Variants in TSHZ2 observed in about 807,000 individuals in gnomAD.
TSHZ2 encodes the protein teashirt zinc finger homeobox 2.
Under a neutral mutation model 74.4 loss-of-function variants are expected in TSHZ2, and 21 were observed. The observed-to-expected ratio is 0.28, with a 90% CI of 0.20 to 0.41. The LOEUF (loss-of-function observed/expected upper bound fraction) is 0.41, where lower values mean the gene tolerates loss of function less well. TSHZ2 is among the 10% of genes least tolerant of loss of function. The pLI is 1.00. For missense variants in TSHZ2, 1,244 were observed against 1,293.5 expected (o/e 0.96, Z 0.59); for synonymous variants, 540 against 515.3 (o/e 1.05, Z -0.65).
rs1458839447 is a variant in TSHZ2, at chr20:53,159,212, C to T, written c.41-94287C>T. 2.0e-5 allele frequency among the ~76,000 whole-genome samples: 3 copies of T among 152,196 alleles called. 1 individual carries two copies. The highest frequency in any genetic ancestry group is 6.3e-3 in the Middle Eastern group (2 of 316). On this transcript the variant is annotated intron_variant, in intron 1 of 2. Transcript: ENST00000371497. The stretch of plus-strand genomic sequence containing the variant: ...TCATAAAGCAAGGCAGGGAATGTAC[C>T]ACCCTAGTTTCCAGAGTTAAATGCC...
At chr20:53,188,444 G>T (rs1224987698) in intron 1 of TSHZ2, among the ~76,000 whole-genome samples, 1 of 152,202 alleles carries the variant, frequency 6.6e-6, no homozygotes. Context: ...GTTTCCTGGA[G>T]CCTGCTCTTC....
At chr20:53,142,509 A>C (rs192734748) in intron 1 of TSHZ2, among the ~76,000 whole-genome samples, 218 of 152,364 alleles carry the variant, frequency 1.4e-3, no homozygotes, top group African/African-American at 4.9e-3. Flanking sequence ...ATGAGTTCCA[A>C]TACAAGCACA....
At chr20:53,434,801 A>G (rs910076136) in intron 2 of TSHZ2, among the ~76,000 whole-genome samples, 1 of 152,244 alleles carries the variant, frequency 6.6e-6, no homozygotes, top group African/African-American at 2.4e-5. Flanking sequence ...TCTGCCTGGC[A>G]GCAAGGACTT....
At chr20:53,221,935 G>C (rs918112590) in intron 1 of TSHZ2, among the ~76,000 whole-genome samples, 8 of 152,078 alleles carry the variant, frequency 5.3e-5, no homozygotes, top group African/African-American at 1.9e-4. Flanking sequence ...TCAATCTCTT[G>C]CAACTGCTAA....
chr20:53,358,559 G>C (rs1052493659), intron 2 of TSHZ2, among the ~76,000 whole-genome samples: 4 of 151,938 alleles, frequency 2.6e-5, no homozygotes, highest in African/African-American at 9.6e-5. Context: ...TGGCCAGGCT[G>C]GTCTCGATCT....
At chr20:53,347,711 T>G (rs145534502) in intron 2 of TSHZ2, among the ~76,000 whole-genome samples, 1 of 152,192 alleles carries the variant, frequency 6.6e-6, no homozygotes, top group Non-Finnish European at 1.5e-5. Context: ...TAGGTAAACA[T>G]GTGCCATCAT....
chr20:53,007,190 G>A (rs1001179298), intron 1 of TSHZ2, among the ~76,000 whole-genome samples: 4 of 152,190 alleles, frequency 2.6e-5, no homozygotes, highest in African/African-American at 9.6e-5. Context: ...GAGTTGACCA[G>A]GCTGAAGTGG....
intron 1 of TSHZ2, among the ~76,000 whole-genome samples, chr20:53,229,368 C>T (rs1017790322): frequency 6.6e-6 from 1 of 152,180 alleles, no homozygotes; most frequent in Non-Finnish European, 1.5e-5. Flanking sequence ...TTGCCATTGG[C>T]TTCACGCTCA....
chr20:53,388,588 T>C (rs540706867), intron 2 of TSHZ2, among the ~76,000 whole-genome samples: 1 of 151,390 alleles, frequency 6.6e-6, no homozygotes, highest in Non-Finnish European at 1.5e-5. Context: ...TTCTTTTTTT[T>C]CTTTCTTTTT....
At position 53,140,539 on chromosome 20, in the gene TSHZ2, C is replaced by CAAA. The variant is rs34045440; in HGVS notation, c.41-112937_41-112935dup. Among the ~76,000 whole-genome samples, 92 of 79,740 alleles carry CAAA rather than the reference C, an allele frequency of 1.2e-3. 1 individual carries two copies. The highest frequency in any genetic ancestry group is 3.5e-3 in the African/African-American group (72 of 20,676). 52.3% of individuals were successfully genotyped at this position (79,740 alleles called of 152,430 possible). A position where few individuals can be genotyped will look rare whatever the true frequency, so the allele number is the denominator to read the frequency against. On this transcript the variant is annotated intron_variant, in intron 1 of 2. Coordinates refer to ENST00000371497, the MANE Select transcript of TSHZ2 (RefSeq NM_173485.6). ...TGGGTGACAGAGCAAGACTCCGTCT[C>CAAA]AAAAAAAAAAAAAAAAAAAAAAAAA...
At chr20:53,406,026 AG>A (rs1908589324) in intron 2 of TSHZ2, among the ~76,000 whole-genome samples, 2 of 152,144 alleles carry the variant, frequency 1.3e-5, no homozygotes. Flanking sequence ...TTTAAAAAAA[AG>A]AAAATAAATA....
Position 53,128,661 on chromosome 20 carries a change from G to A in TSHZ2, c.41-124838G>A, listed in dbSNP as rs753935460. Among the ~76,000 whole-genome samples the A allele has an allele frequency of 1.1e-4, 16 of 150,622 alleles. No homozygotes were observed. In the East Asian group the frequency reaches 2.1e-3, roughly 20 times the overall value. On this transcript the variant is annotated intron_variant, in intron 1 of 2. Transcript: ENST00000371497. ...TTTTTAGATGGAGTCTCGCACTGACGCCCAGGCTGGAGTACAGTGGTGCAA... is the reference window on the plus strand; with the variant it reads ...TTTTTAGATGGAGTCTCGCACTGACACCCAGGCTGGAGTACAGTGGTGCAA...
chr20:53,302,685 A>G (rs1978357875), intron 2 of TSHZ2, among the ~76,000 whole-genome samples: 1 of 152,206 alleles, frequency 6.6e-6, no homozygotes, highest in African/African-American at 2.4e-5. Context: ...TATTCTCAAG[A>G]AAGGAGGAAG....
intron 1 of TSHZ2, among the ~76,000 whole-genome samples, chr20:53,248,340 C>A (rs891506027): frequency 6.6e-6 from 1 of 152,078 alleles, no homozygotes; most frequent in Middle Eastern, 3.4e-3. Context: ...CCCACAAGTA[C>A]TGAGATTACA....
At chr20:53,387,251 A>G (rs1469834387) in intron 2 of TSHZ2, among the ~76,000 whole-genome samples, 1 of 152,256 alleles carries the variant, frequency 6.6e-6, no homozygotes, top group Admixed American at 6.5e-5. Flanking sequence ...TGTAGAAAAC[A>G]GTGGTCTAAA....
chr20:53,221,917 C>T (rs756218464), intron 1 of TSHZ2, among the ~76,000 whole-genome samples: 16 of 152,144 alleles, frequency 1.1e-4, no homozygotes, highest in Non-Finnish European at 2.2e-4. Context: ...TACTCACAAA[C>T]TATCATATCA....
chr20:53,465,966 T>TAAAAAAAA (rs557411643), intron 2 of TSHZ2, among the ~76,000 whole-genome samples: 1 of 132,214 alleles, frequency 7.6e-6, no homozygotes, highest in African/African-American at 2.8e-5. Context: ...TCACAGTGGT[T>TAAAAAAAA]AAAAAAAAAA....
intron 1 of TSHZ2, among the ~76,000 whole-genome samples, chr20:53,051,954 A>G (rs1017100497): frequency 6.6e-6 from 1 of 150,902 alleles, no homozygotes; most frequent in Non-Finnish European, 1.5e-5. Context: ...ACCTTTTGGA[A>G]CAAAATTAAA....
At position 53,106,049 on chromosome 20, in the gene TSHZ2, G is replaced by C. The variant is rs539801366; in HGVS notation, c.40+132716G>C. ...CATTGTGGAATTATCAAATACAAGT[G>C]TTTAGCATATCCATCATCTCAAATC... On this transcript the variant is annotated intron_variant, in intron 1 of 2. Transcript: ENST00000371497. Among the ~76,000 whole-genome samples, 14 of 152,330 alleles carry C rather than the reference G, an allele frequency of 9.2e-5. No homozygotes were observed. In the East Asian group the frequency reaches 2.5e-3, roughly 27 times the overall value.
Sources: gnomAD v4.1 joint callset for allele counts (sites outside exome capture counted in the v4.1 genomes callset) on GRCh38, gnomAD v4.1.1 for gene constraint, MANE v1.5 for transcripts, NCBI Gene and HGNC (gene_info 2026-07-23, HGNC 2026-07-21) for gene names.